Variants in MAGI1 observed in about 807,000 individuals in gnomAD.
MAGI1 encodes the protein membrane-associated guanylate kinase, WW and PDZ domain-containing protein 1.
A neutral mutation model predicts 139.9 loss-of-function variants in MAGI1; 58 were observed. The observed-to-expected ratio is 0.41, with a 90% CI of 0.34 to 0.52. The LOEUF (loss-of-function observed/expected upper bound fraction) is 0.52. Ranked by LOEUF, MAGI1 falls within the 20% of genes least tolerant of loss-of-function variation. The probability of loss-of-function intolerance (pLI) is 0.12; values close to 1 mark genes in which losing one functional copy is unlikely to be tolerated. For missense variants in MAGI1, 1,874 were observed against 1,901.6 expected (o/e 0.99, Z 0.27); for synonymous variants, 812 against 737.9 (o/e 1.10, Z -1.63).
chr3:65,402,719 C>T (rs151058995), intron 12 of MAGI1, among the ~76,000 whole-genome samples: 2 of 152,040 alleles, frequency 1.3e-5, no homozygotes, highest in Non-Finnish European at 2.9e-5. Flanking sequence ...TGAGGCGAGG[C>T]AAGGCAAGTG....
rs35660018 is a variant in MAGI1, at chr3:65,749,597, C to A, written c.314-127509G>T. Among the ~76,000 whole-genome samples, 455 of 151,434 alleles carry A rather than the reference C, an allele frequency of 3.0e-3. 2 individuals are homozygous for A. Among genetic ancestry groups the A allele is most frequent in the Non-Finnish European group, 5.8e-3 (394 of 67,880 alleles). On this transcript the variant is annotated intron_variant, in intron 1 of 22. Transcript: ENST00000402939. ...GTATACTGCTTGCATGATGGGTGCACCAAAATCTCAGAAATCACCACTAAA... is the reference window on the plus strand; with the variant it reads ...GTATACTGCTTGCATGATGGGTGCAACAAAATCTCAGAAATCACCACTAAA...
At chr3:65,363,306 G>A (rs899978590) in intron 21 of MAGI1, among the ~76,000 whole-genome samples, 159 bp downstream of exon 21, 2 of 152,146 alleles carry the variant, frequency 1.3e-5, no homozygotes, top group African/African-American at 4.8e-5. Context: ...TTGTGCTTTA[G>A]GCAGAAATAT....
chr3:65,926,589 C>G (rs2062533824), intron 1 of MAGI1, among the ~76,000 whole-genome samples: 1 of 152,184 alleles, frequency 6.6e-6, no homozygotes, highest in African/African-American at 2.4e-5. Flanking sequence ...CAGCCAAAAC[C>G]TACCAAAACC....
rs78850911 is a variant in MAGI1 at position 65,479,579 on chromosome 3, C to T, written c.551-781G>A. Reference sequence around the variant, plus strand: ...TTTAATTTGCCATAGAGAAATCTCACTGGTAAGTTATGATACCAATATAAA... The same window carrying T: ...TTTAATTTGCCATAGAGAAATCTCATTGGTAAGTTATGATACCAATATAAA... On this transcript the variant is annotated intron_variant, in intron 3 of 22. Coordinates refer to ENST00000402939, the MANE Select transcript of MAGI1 (RefSeq NM_001033057.2). Among the ~76,000 whole-genome samples the T allele has an allele frequency of 2.7e-3, 417 of 152,128 alleles. 3 individuals are homozygous for T. Among genetic ancestry groups the T allele is most frequent in the African/African-American group, 8.7e-3 (361 of 41,518 alleles).
intron 3 of MAGI1, among the ~76,000 whole-genome samples, chr3:65,485,654 G>C (rs985208284): frequency 5.6e-4 from 86 of 152,236 alleles, no homozygotes; most frequent in African/African-American, 2.0e-3. Context: ...CATATTCAAA[G>C]AACAACATTT....
At chr3:65,662,079 GA>G (rs1445152713) in intron 1 of MAGI1, among the ~76,000 whole-genome samples, 1 of 151,810 alleles carries the variant, frequency 6.6e-6, no homozygotes, top group Admixed American at 6.6e-5. Flanking sequence ...TTGCTGCCAA[GA>G]AAAAAACAGA....
rs546566812 is a variant in MAGI1, at chr3:65,950,170, G to C, written c.313+87826C>G. ...TACAGCTTGTCAATTTTAATCAAAA[G>C]AAACGAAAAGCCACATTCAGTATTA... On this transcript the variant is annotated intron_variant, in intron 1 of 22. Coordinates refer to ENST00000402939, the MANE Select transcript of MAGI1 (RefSeq NM_001033057.2). 1.2e-4 allele frequency among the ~76,000 whole-genome samples: 9 copies of C among 75,650 alleles called. No individual in the cohort carries two copies. In the East Asian group the frequency reaches 3.7e-3, roughly 31 times the overall value. 49.6% of individuals were successfully genotyped at this position (75,650 alleles called of 152,430 possible).
At chr3:66,020,161 C>T (rs557712669) in intron 1 of MAGI1, among the ~76,000 whole-genome samples, 24 of 152,284 alleles carry the variant, frequency 1.6e-4, no homozygotes, top group East Asian at 7.7e-4. Flanking sequence ...CCATCTTGGC[C>T]GGGCGCAGTG....
chr3:65,387,588 C>A (rs1445876131), intron 14 of MAGI1, among the ~76,000 whole-genome samples: 1 of 152,144 alleles, frequency 6.6e-6, no homozygotes, highest in African/African-American at 2.4e-5. Context: ...TATATTTGTG[C>A]TACCACTATA....
chr3:65,974,632 G>A (rs1225982348), intron 1 of MAGI1, among the ~76,000 whole-genome samples: 1 of 152,122 alleles, frequency 6.6e-6, no homozygotes, highest in African/African-American at 2.4e-5. Context: ...TAGTGGGGCT[G>A]CAGTCATCTA....
chr3:65,550,685 C>CT (rs2079781762), intron 2 of MAGI1, among the ~76,000 whole-genome samples: 1 of 152,118 alleles, frequency 6.6e-6, no homozygotes, highest in African/African-American at 2.4e-5. Context: ...ATTCCCAAGG[C>CT]TAAGCACCAT....
chr3:65,608,346 C>A (rs982784063), intron 2 of MAGI1, among the ~76,000 whole-genome samples: 3 of 151,814 alleles, frequency 2.0e-5, no homozygotes, highest in Non-Finnish European at 2.9e-5. Flanking sequence ...GAGGCTAAGG[C>A]AGGAGAATCA....
chr3:65,523,689 C>T (rs1196862470), intron 2 of MAGI1, among the ~76,000 whole-genome samples: 1 of 152,084 alleles, frequency 6.6e-6, no homozygotes, highest in Non-Finnish European at 1.5e-5. Context: ...AAAAGGAACT[C>T]ATATGTAAGT....
chr3:65,541,728 T>C (rs977436238), intron 2 of MAGI1, among the ~76,000 whole-genome samples: 2 of 152,168 alleles, frequency 1.3e-5, no homozygotes, highest in African/African-American at 4.8e-5. Context: ...CACCCCTTCA[T>C]ACTAAAAATT....
chr3:65,590,029 T>G (rs775115452), intron 2 of MAGI1, among the ~76,000 whole-genome samples: 32 of 152,166 alleles, frequency 2.1e-4, no homozygotes, highest in Non-Finnish European at 3.5e-4. Context: ...CTCTTATGAC[T>G]TGATATACAC....
intron 1 of MAGI1, among the ~76,000 whole-genome samples, chr3:65,622,498 T>C (rs1416394943): frequency 6.6e-6 from 1 of 152,192 alleles, no homozygotes; most frequent in Admixed American, 6.5e-5. Flanking sequence ...ATGGTAGGAA[T>C]TTACTCTACA....
intron 1 of MAGI1, among the ~76,000 whole-genome samples, chr3:65,705,320 C>T (rs1330728999): frequency 6.6e-6 from 1 of 152,140 alleles, no homozygotes; most frequent in Non-Finnish European, 1.5e-5. Flanking sequence ...CCAAGGCCAG[C>T]TATGATGTGC....
At chr3:65,403,264 T>C (rs1945055236) in intron 12 of MAGI1, among the ~76,000 whole-genome samples, 1 of 152,232 alleles carries the variant, frequency 6.6e-6, no homozygotes, top group Non-Finnish European at 1.5e-5. Flanking sequence ...CTTAGCTAAT[T>C]TACATCATTC....
chr3:65,897,977 T>C (rs1298110625), intron 1 of MAGI1, among the ~76,000 whole-genome samples: 1 of 152,192 alleles, frequency 6.6e-6, no homozygotes, highest in Non-Finnish European at 1.5e-5. Context: ...GCATACTGTT[T>C]TCAGAAAGAC....
Sources: allele counts gnomAD v4.1 joint callset (sites outside exome capture counted in the v4.1 genomes callset), GRCh38; gene constraint gnomAD v4.1.1; transcripts MANE v1.5; gene names NCBI Gene and HGNC (gene_info 2026-07-23, HGNC 2026-07-21).